The following NRXN3 variants were observed in gnomAD, a reference collection of about 807,000 sequenced individuals.
NRXN3 encodes the protein neurexin 3.
Under a neutral mutation model 137.6 loss-of-function variants are expected in NRXN3, and 32 were observed. That is an observed-to-expected ratio of 0.23 (90% CI 0.18 to 0.31). The LOEUF (loss-of-function observed/expected upper bound fraction) is 0.31. Among genes scored for constraint, NRXN3 ranks in the 10% least tolerant of loss-of-function variants. The pLI, the probability that NRXN3 is intolerant of heterozygous loss-of-function variation, is 1.00. For synonymous variants in NRXN3, 798 were observed against 784.5 expected (o/e 1.02, Z -0.29); for missense variants, 1,574 against 2,062.5 (o/e 0.76, Z 4.59).
chr14:78,875,757 AT>A (rs2099112547), intron 10 of NRXN3, among the ~76,000 whole-genome samples: 4 of 152,218 alleles, frequency 2.6e-5, no homozygotes, highest in Admixed American at 2.6e-4. Context: ...TCCTTTAGGA[AT>A]TTACCAACTT....
In NRXN3 at chr14:78,237,146, A is replaced by T. The variant is rs74065938; in HGVS notation, c.-703-5245A>T. ...TGGGTGTGGAGAGCATTGATGGCAA[A>T]GGTGGGTAAGACATGAGGCTCAGGT... On this transcript the variant is annotated intron_variant, in intron 1 of 20. Transcript: ENST00000335750. Among the ~76,000 whole-genome samples the T allele has an allele frequency of 5.0e-3, 763 of 152,292 alleles. 5 individuals are homozygous for T. Among genetic ancestry groups the T allele is most frequent in the African/African-American group, 0.017 (707 of 41,560 alleles).
Position 79,466,341 on chromosome 14 carries a change from A to T in NRXN3, c.3263-880A>T, listed in dbSNP as rs535816274. ...GGTGGCTCACGCCTGTAATCTCAGC[A>T]CTTTGGGTGGCCAAGGCAGTCAGAT... On this transcript the variant is annotated intron_variant, in intron 15 of 20. Coordinates refer to ENST00000335750, the MANE Select transcript of NRXN3 (RefSeq NM_001330195.2). 2.4e-4 allele frequency among the ~76,000 whole-genome samples: 37 copies of T among 152,318 alleles called. No individual in the cohort carries two copies. The South Asian group carries it at 7.5e-3, about 31-fold the overall frequency.
chr14:78,434,486 A>G (rs535942956), intron 4 of NRXN3, among the ~76,000 whole-genome samples: 2 of 152,202 alleles, frequency 1.3e-5, no homozygotes, highest in Non-Finnish European at 2.9e-5. Flanking sequence ...AGGACACAGC[A>G]TCCTGAGATA....
chr14:78,690,181 A>G (rs2098159409), intron 6 of NRXN3, among the ~76,000 whole-genome samples: 1 of 151,354 alleles, frequency 6.6e-6, no homozygotes, highest in African/African-American at 2.4e-5. Context: ...GTTTTATTCC[A>G]CTCCAATGAT....
At chr14:78,943,622 ATATAT>A (rs1453942039) in intron 10 of NRXN3, among the ~76,000 whole-genome samples, 410 of 24,246 alleles carry the variant, frequency 0.017, 33 homozygotes, top group Non-Finnish European at 0.026. Flanking sequence ...AAAAAAAAAA[ATATAT>A]ATATATATAT....
At chr14:79,664,362 CAG>C (rs1467903283) in intron 17 of NRXN3, among the ~76,000 whole-genome samples, 1 of 152,192 alleles carries the variant, frequency 6.6e-6, no homozygotes, top group East Asian at 1.9e-4. Flanking sequence ...GTGCAGATGC[CAG>C]AGAGAGACTC....
intron 20 of NRXN3, among the ~76,000 whole-genome samples, chr14:79,807,706 G>T (rs550442845): frequency 6.6e-6 from 1 of 152,296 alleles, no homozygotes; most frequent in Non-Finnish European, 1.5e-5. Context: ...GTGAGTGACA[G>T]AACCCCTACC....
intron 10 of NRXN3, among the ~76,000 whole-genome samples, chr14:78,866,675 T>A (rs946520168): frequency 1.3e-5 from 2 of 152,144 alleles, no homozygotes; most frequent in Non-Finnish European, 2.9e-5. Flanking sequence ...TTCACAGGAC[T>A]GGTTATCCTT....
chr14:79,569,465 A>G (rs1234750140), intron 16 of NRXN3, among the ~76,000 whole-genome samples: 1 of 152,132 alleles, frequency 6.6e-6, no homozygotes, highest in Non-Finnish European at 1.5e-5. Flanking sequence ...CTTGCATTAA[A>G]CAATTACTAT....
chr14:79,224,876 A>G (rs1352390877), intron 15 of NRXN3, among the ~76,000 whole-genome samples: 1 of 152,204 alleles, frequency 6.6e-6, no homozygotes, highest in East Asian at 1.9e-4. Context: ...CAGCTAGAAG[A>G]CTATGGCCAT....
intron 10 of NRXN3, among the ~76,000 whole-genome samples, chr14:78,848,919 C>T (rs143139653): frequency 4.8e-4 from 73 of 152,084 alleles, no homozygotes; most frequent in African/African-American, 1.6e-3. Flanking sequence ...TGAAAGTGAA[C>T]GTTTGAAATA....
At chr14:79,623,853 T>TTTG (rs1272802476) in intron 16 of NRXN3, among the ~76,000 whole-genome samples, 1 of 150,654 alleles carries the variant, frequency 6.6e-6, no homozygotes, top group Non-Finnish European at 1.5e-5. Flanking sequence ...GCTCCTGTTT[T>TTTG]TTTTTTTTTT....
At chr14:78,480,618 G>T (rs1017099201) in intron 4 of NRXN3, among the ~76,000 whole-genome samples, 1 of 152,092 alleles carries the variant, frequency 6.6e-6, no homozygotes, top group Admixed American at 6.5e-5. Context: ...TTCACATTTT[G>T]TAAGTCAGTG....
Position 79,449,123 on chromosome 14 carries a change from G to A in NRXN3, c.3263-18098G>A, listed in dbSNP as rs542813433. On this transcript the variant is annotated intron_variant, in intron 15 of 20. Coordinates refer to ENST00000335750, the MANE Select transcript of NRXN3 (RefSeq NM_001330195.2). ...CATAAATTCCCTGAAAGTATCTGTC[G>A]CAGGGAATTGCTCTGCATTCATCAT... 8.0e-4 allele frequency among the ~76,000 whole-genome samples: 122 copies of A among 152,232 alleles called. 5 individuals carry two copies. The South Asian group carries it at 0.023, about 28-fold the overall frequency.
intron 8 of NRXN3, among the ~76,000 whole-genome samples, chr14:78,734,868 T>G (rs540744203): frequency 6.6e-6 from 1 of 152,172 alleles, no homozygotes; most frequent in East Asian, 1.9e-4. Context: ...CAGGGCTTGG[T>G]CATGTCATCA....
In NRXN3 at chr14:79,699,031, A is replaced by G. The variant is rs1457416053; in HGVS notation, c.4014+1094A>G. 2.6e-5 allele frequency among the ~76,000 whole-genome samples: 4 copies of G among 151,948 alleles called. No individual in the cohort carries two copies. The East Asian group carries it at 7.7e-4, about 29-fold the overall frequency. On this transcript the variant is annotated intron_variant, in intron 19 of 20. Coordinates refer to ENST00000335750, the MANE Select transcript of NRXN3 (RefSeq NM_001330195.2). ...TTTCCTTGAGCAGAAGTATCCAGAC[A>G]GCTCTTTGCATGGCTCCACAGTAAC...
chr14:78,388,964 A>G (rs574455013), intron 4 of NRXN3, among the ~76,000 whole-genome samples: 3 of 152,068 alleles, frequency 2.0e-5, no homozygotes, highest in Admixed American at 6.6e-5. Context: ...GCTGTGATGT[A>G]TATATGAGTA....
At chr14:79,149,273 C>A (rs73326715) in intron 15 of NRXN3, among the ~76,000 whole-genome samples, 6,402 of 151,874 alleles carry the variant, frequency 0.042, 499 homozygotes, top group African/African-American at 0.15. Context: ...GACCTTTGAC[C>A]TGGCATCACC....
At chr14:79,769,571 G>A (rs1302421724) in intron 19 of NRXN3, among the ~76,000 whole-genome samples, 2 of 152,014 alleles carry the variant, frequency 1.3e-5, no homozygotes, top group Non-Finnish European at 2.9e-5. Context: ...ACAAGCAAAT[G>A]CTGAGAGATT....
Sources: gnomAD v4.1 joint callset for allele counts (sites outside exome capture counted in the v4.1 genomes callset) on GRCh38, gnomAD v4.1.1 for gene constraint, MANE v1.5 for transcripts, NCBI Gene and HGNC (gene_info 2026-07-23, HGNC 2026-07-21) for gene names.